Variants in PCDHGA5 observed in about 807,000 individuals in gnomAD.
The protein encoded by PCDHGA5 is protocadherin gamma subfamily A, 5.
In PCDHGA5, 36 loss-of-function variants were observed where a neutral mutation model predicts 56.7. The ratio of observed to expected loss-of-function variants is 0.64; its 90% CI spans 0.49 to 0.84. The LOEUF (loss-of-function observed/expected upper bound fraction) is 0.84. Among genes scored for constraint, PCDHGA5 ranks in the 40% least tolerant of loss-of-function variants. The probability of loss-of-function intolerance (pLI) is 0.00; values close to 1 mark genes in which losing one functional copy is unlikely to be tolerated. For synonymous variants in PCDHGA5, 563 were observed against 520.2 expected (o/e 1.08, Z -1.12); for missense variants, 1,305 against 1,201.5 (o/e 1.09, Z -1.27).
At position 141,374,633 on chromosome 5, in the gene PCDHGA5, A is replaced by C. The variant is rs1259564749; in HGVS notation, c.2421+7882A>C. 1.2e-6 allele frequency: 2 copies of C among 1,613,130 alleles called. No individual in the cohort carries two copies. Among genetic ancestry groups the C allele is most frequent in the Non-Finnish European group, 1.7e-6 (2 of 1,179,508 alleles). On this transcript the variant is annotated intron_variant, in intron 1 of 3. Transcript: ENST00000518069. Reference sequence around the variant, plus strand: ...TAGTCACTTCTCAGTGGACGTGCAAAGCGAAGCCCATGGGCCCAAGTACCC... The same window carrying C: ...TAGTCACTTCTCAGTGGACGTGCAACGCGAAGCCCATGGGCCCAAGTACCC...
intron 2 of PCDHGA5, 79 bp downstream of exon 2, chr5:141,494,944 C>T: frequency 1.9e-6 from 3 of 1,609,850 alleles, no homozygotes; most frequent in Non-Finnish European, 2.5e-6. Context: ...TGGGGGAGGG[C>T]CCAGCATTTG....
chr5:141,394,746 G>A (rs1380467870), intron 1 of PCDHGA5: 3 of 1,613,418 alleles, frequency 1.9e-6, no homozygotes. Flanking sequence ...CCTCGTGGTG[G>A]CCGTCCAGGA....
intron 1 of PCDHGA5, chr5:141,390,762 C>T (rs2092226751): frequency 6.0e-6 from 1 of 166,616 alleles, no homozygotes; most frequent in African/African-American, 2.4e-5. Context: ...GTTTTGTTTC[C>T]TGTGTTAACT....
At chr5:141,398,878 C>T in intron 1 of PCDHGA5, 2 of 1,613,968 alleles carry the variant, frequency 1.2e-6, no homozygotes, top group Non-Finnish European at 1.7e-6. Context: ...CAGAGTCAGC[C>T]TTCGGGAAAA....
At position 141,364,565 on chromosome 5, in the gene PCDHGA5, C is replaced by G; in HGVS notation, c.235C>G (p.Pro79Ala). 6.2e-7 allele frequency: 1 copy of G among 1,614,114 alleles called. No individual in the cohort carries two copies. The change falls in exon 1 of 4, where the codon CCG becomes GCG. Residue 79 changes from proline (P) to alanine (A), a missense_variant. Physicochemically the swap from Pro to Ala is conservative, Grantham distance 27. Transcript: ENST00000518069. ...TAGGACGCAGCTTTTTGCCCTGAAC[C>G]CGCGAAGCGGCAGCTTGGTCACCGC... ...RGRTQLFALN[P>A]RSGSLVTAGR...
In PCDHGA5 at chr5:141,489,950, A is replaced by C. The variant is rs1055715796; in HGVS notation, c.2422-4857A>C. 1 of 1,614,192 alleles carries C rather than the reference A, an allele frequency of 6.2e-7. No homozygotes were observed. The highest frequency in any genetic ancestry group is 1.3e-5 in the African/African-American group (1 of 75,060). ...TCTGTCATCGTGCTGGACATCAATG[A>C]TAATGCTCCAACCTTCCAATCCTCA... is the stretch of plus-strand genomic sequence containing the variant. On this transcript the variant is annotated intron_variant, in intron 1 of 3. Coordinates refer to ENST00000518069, the MANE Select transcript of PCDHGA5 (RefSeq NM_018918.3). The surrounding 1 kb of genome is among the most constrained non-coding windows in gnomAD (Gnocchi z 4.5).
At chr5:141,383,473 C>G (rs764928203) in intron 1 of PCDHGA5, 2 of 1,613,686 alleles carry the variant, frequency 1.2e-6, no homozygotes, top group South Asian at 1.1e-5. Flanking sequence ...AACTAAGTAC[C>G]CGGAACTGGT....
intron 2 of PCDHGA5, among the ~76,000 whole-genome samples, chr5:141,504,870 AG>A (rs1453764331): frequency 6.6e-6 from 1 of 151,996 alleles, no homozygotes; most frequent in Non-Finnish European, 1.5e-5. Context: ...CCACCTTCAC[AG>A]TCCTCTGGAG....
chr5:141,450,937 A>G (rs1011608521), intron 1 of PCDHGA5, among the ~76,000 whole-genome samples: 1 of 148,134 alleles, frequency 6.8e-6, no homozygotes, highest in African/African-American at 2.5e-5. Flanking sequence ...CAATTCTCCT[A>G]CCTCAGCCTC....
Position 141,487,289 on chromosome 5 carries a change from G to A in PCDHGA5, c.2422-7518G>A. The A allele has an allele frequency of 1.2e-6, 2 of 1,614,096 alleles. No individual in the cohort carries two copies. The highest frequency in any genetic ancestry group is 1.7e-6 in the Non-Finnish European group (2 of 1,180,024). On this transcript the variant is annotated intron_variant, in intron 1 of 3. Coordinates refer to ENST00000518069, the MANE Select transcript of PCDHGA5 (RefSeq NM_018918.3). The surrounding 1 kb of genome is among the most constrained non-coding windows in gnomAD (Gnocchi z 5.0). ...AGTGGCAATTTGCTTTGTCTCCTTTGGCTCATTCGTGGCACTACTCTCTAA... is the reference window on the plus strand; with the variant it reads ...AGTGGCAATTTGCTTTGTCTCCTTTAGCTCATTCGTGGCACTACTCTCTAA...
At chr5:141,456,217 A>G (rs1328039447) in intron 1 of PCDHGA5, among the ~76,000 whole-genome samples, 1 of 152,064 alleles carries the variant, frequency 6.6e-6, no homozygotes, top group East Asian at 1.9e-4. Context: ...CCCTGTGGCG[A>G]TATCAAACTA....
At position 141,394,517 on chromosome 5, in the gene PCDHGA5, C is replaced by T. The variant is rs1226195225; in HGVS notation, c.2421+27766C>T. On this transcript the variant is annotated intron_variant, in intron 1 of 3. Transcript: ENST00000518069. ...CCGAGATCCTGTACCCCGCCCTCCC[C>T]ACAGACGGTTCCACTGGCGTGGAGC... 5 of 1,614,116 alleles carry T rather than the reference C, an allele frequency of 3.1e-6. No individual in the cohort carries two copies. The Admixed American group carries it at 5.0e-5, about 16-fold the overall frequency.
intron 1 of PCDHGA5, among the ~76,000 whole-genome samples, chr5:141,467,735 C>T (rs557555571): frequency 3.3e-5 from 5 of 152,182 alleles, no homozygotes; most frequent in East Asian, 3.9e-4. Flanking sequence ...AATCCCAGCT[C>T]GCTGCAACCT....
intron 1 of PCDHGA5, chr5:141,399,976 C>CTGCGCACAGGAGAGG: frequency 1.2e-6 from 2 of 1,612,242 alleles, no homozygotes; most frequent in Non-Finnish European, 1.7e-6. Flanking sequence ...CAGCCTGGGG[C>CTGCGCACAGGAGAGG]TGCGCACAGG....
At chr5:141,404,068 T>C (rs2094481501) in intron 1 of PCDHGA5, 3 of 1,613,782 alleles carry the variant, frequency 1.9e-6, no homozygotes, top group Non-Finnish European at 2.5e-6. Flanking sequence ...TCAATGCTCA[T>C]GACCGAGACT....
intron 1 of PCDHGA5, among the ~76,000 whole-genome samples, chr5:141,397,322 AATT>A (rs1264296504): frequency 6.6e-6 from 1 of 152,188 alleles, no homozygotes; most frequent in Non-Finnish European, 1.5e-5. Flanking sequence ...AGTAAAGAAA[AATT>A]ATTTTTATAA....
Position 141,365,483 on chromosome 5 carries a change from T to G in PCDHGA5, c.1153T>G (p.Ser385Ala). Residue 385 changes from serine (S) to alanine (A), a missense_variant, in exon 1 of 4, where the codon TCT (serine) becomes GCT (alanine). Coordinates refer to ENST00000518069, the MANE Select transcript of PCDHGA5 (RefSeq NM_018918.3). ...DSGENGEIAC[S>A]IPRNLPFKLE... ...TGGAGAAAATGGTGAGATTGCATGC[T>G]CTATTCCTAGGAATTTGCCTTTTAA... 6.2e-7 allele frequency: 1 copy of G among 1,614,018 alleles called. No homozygotes were observed. Among genetic ancestry groups the G allele is most frequent in the Non-Finnish European group, 8.5e-7 (1 of 1,179,894 alleles).
In PCDHGA5 at chr5:141,365,306, G is replaced by A; in HGVS notation, c.976G>A (p.Ala326Thr). 6.2e-7 allele frequency: 1 copy of A among 1,613,976 alleles called. No individual in the cohort carries two copies. The highest frequency in any genetic ancestry group is 1.1e-5 in the South Asian group (1 of 91,082). Residue 326 changes from alanine to threonine, a missense_variant, in exon 1 of 4, where the codon GCT (alanine) becomes ACT (threonine). Coordinates refer to ENST00000518069, the MANE Select transcript of PCDHGA5 (RefSeq NM_018918.3). ...GGAAGTGGTAGCTCAGGATGGAGGCGCTCTTGTTGCCAGCGCTAAGGTGGT... is the reference window on the plus strand; with the variant it reads ...GGAAGTGGTAGCTCAGGATGGAGGCACTCTTGTTGCCAGCGCTAAGGTGGT... ...LMEVVAQDGG[A>T]LVASAKVVVT... is the part of the protein sequence containing the mutation.
rs376515666 is a variant in PCDHGA5, at chr5:141,394,832, C to T, written c.2421+28081C>T. On this transcript the variant is annotated intron_variant, in intron 1 of 3. Coordinates refer to ENST00000518069, the MANE Select transcript of PCDHGA5 (RefSeq NM_018918.3). The stretch of plus-strand genomic sequence containing the variant: ...CTGACAGCATCCCCGAAGTCCTGAC[C>T]GAGTTGGGCAGTCTGAAGCCTTCGG... The T allele has an allele frequency of 1.5e-5, 24 of 1,613,710 alleles. No individual in the cohort carries two copies. In the East Asian group the frequency reaches 3.3e-4, roughly 22 times the overall value.
Sources: allele counts gnomAD v4.1 joint callset (sites outside exome capture counted in the v4.1 genomes callset), GRCh38; gene constraint gnomAD v4.1.1; non-coding constraint Gnocchi (gnomAD v3.1); transcripts MANE v1.5; gene names NCBI Gene and HGNC (gene_info 2026-07-23, HGNC 2026-07-21).